Variants in TUB observed in about 807,000 individuals in gnomAD.
The protein encoded by TUB is TUB bipartite transcription factor.
A neutral mutation model predicts 59.7 loss-of-function variants in TUB; 33 were observed. The ratio of observed to expected loss-of-function variants is 0.55; its 90% confidence interval spans 0.42 to 0.74. TUB has a LOEUF of 0.74. Ranked by LOEUF, TUB falls within the 30% of genes least tolerant of loss-of-function variation. The probability of loss-of-function intolerance (pLI) is 0.00; values close to 1 mark genes in which losing one functional copy is unlikely to be tolerated. For missense variants in TUB, 659 were observed against 672.0 expected (o/e 0.98, Z 0.21); for synonymous variants, 293 against 256.4 (o/e 1.14, Z -1.36).
intron 3 of TUB, among the ~76,000 whole-genome samples, chr11:8,093,247 G>A (rs1943839190): frequency 6.6e-6 from 1 of 152,022 alleles, no homozygotes; most frequent in Non-Finnish European, 1.5e-5. Context: ...TCACTGAGGG[G>A]GGCGAGGGGG....
At chr11:8,031,913 C>A (rs1942577595) in intron 1 of TUB, among the ~76,000 whole-genome samples, 1 of 152,204 alleles carries the variant, frequency 6.6e-6, no homozygotes, top group South Asian at 2.1e-4. Context: ...GGCCACTTCG[C>A]CTTCCGCGGG....
At chr11:8,054,815 G>A (rs182503347) in intron 2 of TUB, among the ~76,000 whole-genome samples, 38 of 152,342 alleles carry the variant, frequency 2.5e-4, no homozygotes, top group African/African-American at 8.7e-4. Context: ...CTGTCACTGG[G>A]AGGCACATGG....
Position 8,097,365 on chromosome 11 carries a change from G to A in TUB, c.825G>A (p.Gly275=). The change falls in exon 7 of 12, where the codon GGG becomes GGA. Residue 275 remains glycine (G), a synonymous_variant. Transcript: ENST00000299506. ...IKCRITRDKK[G]MDRGMYPTYF... is the part of the protein sequence containing the mutation. Reference sequence around the variant, plus strand: ...GCCGCATCACTCGGGACAAGAAAGGGATGGACCGGGGCATGTACCCCACCT... The same window carrying A: ...GCCGCATCACTCGGGACAAGAAAGGAATGGACCGGGGCATGTACCCCACCT... The A allele has an allele frequency of 6.2e-7, 1 of 1,614,206 alleles. No homozygotes were observed. The highest frequency in any genetic ancestry group is 1.7e-5 in the Admixed American group (1 of 60,024).
At chr11:8,027,353 C>G (rs181698962) in intron 1 of TUB, among the ~76,000 whole-genome samples, 5 of 152,140 alleles carry the variant, frequency 3.3e-5, no homozygotes, top group Non-Finnish European at 7.3e-5. Context: ...TTTCGTATAA[C>G]GAAATCATAC....
intron 1 of TUB, among the ~76,000 whole-genome samples, chr11:8,024,478 C>T (rs1257802638): frequency 6.6e-6 from 1 of 151,982 alleles, no homozygotes; most frequent in Non-Finnish European, 1.5e-5. Flanking sequence ...TTATCTGCAC[C>T]CCGTGTGTTA....
intron 1 of TUB, among the ~76,000 whole-genome samples, chr11:8,085,109 C>T (rs1013269483): frequency 6.6e-6 from 1 of 152,168 alleles, no homozygotes; most frequent in Non-Finnish European, 1.5e-5. Flanking sequence ...GTTCGGCCTC[C>T]GAGGTGCCCT....
rs1367822896 is a variant in TUB at position 8,106,114 on chromosome 11, GTATT to G, written c.*4504_*4507del. The G allele has an allele frequency of 1.3e-5, 2 of 151,818 alleles. No homozygotes were observed. The highest frequency in any genetic ancestry group is 2.4e-5 in the African/African-American group (1 of 41,550). 9.4% of individuals were successfully genotyped at this position (151,818 alleles called of 1,614,324 possible). ...TAAACTTTGGTATTCTGGAGCAAAT[GTATT>G]TATTTATTGGTATGTGCAATGACAA... On this transcript the variant is annotated 3_prime_UTR_variant, in exon 12 of 12. Transcript: ENST00000299506.
At chr11:8,035,199 A>G (rs1942629265), upstream of TUB, among the ~76,000 whole-genome samples, 3 of 152,254 alleles carry the variant, frequency 2.0e-5, no homozygotes, top group South Asian at 6.2e-4. Context: ...AATGCAAAGC[A>G]CATACAACAA....
At chr11:8,024,423 C>G (rs1942473186) in intron 1 of TUB, among the ~76,000 whole-genome samples, 1 of 152,064 alleles carries the variant, frequency 6.6e-6, no homozygotes, top group Non-Finnish European at 1.5e-5. Flanking sequence ...CCACAACAGC[C>G]CTTCCAAACC....
chr11:8,081,493 GCCCCGCCC>G lies in TUB; in HGVS notation c.-15_-8del. The G allele has an allele frequency of 6.6e-7, 1 of 1,514,820 alleles. No individual in the cohort carries two copies. Among genetic ancestry groups the G allele is most frequent in the Non-Finnish European group, 8.8e-7 (1 of 1,138,130 alleles). The allele number at this position is 1,514,820 out of a possible 1,614,324, so 93.8% of individuals were successfully genotyped here. On this transcript the variant is annotated 5_prime_UTR_variant, in exon 1 of 12. Coordinates refer to ENST00000299506, the MANE Select transcript of TUB (RefSeq NM_177972.3). ...CCCGGCCTCCAGAGCCGCAGCCACC[GCCCCGCCC>G]CCGAGAGACATGACTTCCAAGCCGC... is the stretch of plus-strand genomic sequence containing the variant.
chr11:8,068,533 C>G (rs1288731831), intron 2 of TUB: 1 of 152,460 alleles, frequency 6.6e-6, no homozygotes, highest in African/African-American at 2.4e-5. Context: ...CTTCTTCTCC[C>G]TACTCATTCC....
At chr11:8,051,645 C>G (rs1942937063) in intron 2 of TUB, among the ~76,000 whole-genome samples, 1 of 152,228 alleles carries the variant, frequency 6.6e-6, no homozygotes, top group Non-Finnish European at 1.5e-5. Flanking sequence ...TATTCGCCAG[C>G]TTTGCACTCA....
At chr11:8,082,828 T>G (rs926225205) in intron 1 of TUB, among the ~76,000 whole-genome samples, 4 of 152,212 alleles carry the variant, frequency 2.6e-5, no homozygotes, top group Admixed American at 6.5e-5. Flanking sequence ...AATTGTTACC[T>G]CTAATCTCAG....
exon 1 of TUB, chr11:8,019,272 C>CGCGGAGCCCCGA (rs1942381810): frequency 3.2e-6 from 4 of 1,251,002 alleles, no homozygotes; most frequent in Non-Finnish European, 4.0e-6. Flanking sequence ...CGCCGCCGCC[C>CGCGGAGCCCCGA]GCGGAGCCCC....
chr11:8,065,044 T>C (rs1248994076), intron 2 of TUB, among the ~76,000 whole-genome samples: 1 of 152,154 alleles, frequency 6.6e-6, no homozygotes, highest in Non-Finnish European at 1.5e-5. Context: ...ACAGGGCCAA[T>C]GTATAATATA....
chr11:8,039,567 G>T, intron 1 of TUB: 1 of 1,304,946 alleles, frequency 7.7e-7, no homozygotes, highest in Non-Finnish European at 1.0e-6. Flanking sequence ...GAGTGACCAG[G>T]TGTGGCCAGG....
rs1055183972 is a variant in TUB, at chr11:8,102,294, T to C, written c.*675T>C. The stretch of plus-strand genomic sequence containing the variant: ...GTGGCTAGGTTTCTAGCGCATTTGA[T>C]TTCTCCAGGTTTGCTGTGTCTCACA... On this transcript the variant is annotated 3_prime_UTR_variant, in exon 12 of 12. Coordinates refer to ENST00000299506, the MANE Select transcript of TUB (RefSeq NM_177972.3). 2.6e-5 allele frequency: 4 copies of C among 152,066 alleles called. No individual in the cohort carries two copies. The highest frequency in any genetic ancestry group is 6.5e-5 in the Admixed American group (1 of 15,268). The allele number at this position is 152,066 out of a possible 1,614,324, so 9.4% of individuals were successfully genotyped here.
At chr11:8,053,388 G>C (rs1490937170) in intron 2 of TUB, among the ~76,000 whole-genome samples, 1 of 152,046 alleles carries the variant, frequency 6.6e-6, no homozygotes, top group Non-Finnish European at 1.5e-5. Flanking sequence ...TTATATCAGG[G>C]TTTGATTAAC....
In TUB at chr11:8,083,094, G is replaced by A. The variant is rs1416621647; in HGVS notation, c.38+1546G>A. 5.9e-5 allele frequency among the ~76,000 whole-genome samples: 9 copies of A among 152,358 alleles called. No individual in the cohort carries two copies. In the East Asian group the frequency reaches 1.7e-3, roughly 29 times the overall value. On this transcript the variant is annotated intron_variant, in intron 1 of 11. Transcript: ENST00000299506. Reference sequence around the variant, plus strand: ...CACAGGTAGTTTCTGGAGGATCCTGGCCTTTCTTGGCACATGTGGGCTGAG... The same window carrying A: ...CACAGGTAGTTTCTGGAGGATCCTGACCTTTCTTGGCACATGTGGGCTGAG...
Sources: allele counts gnomAD v4.1 joint callset (sites outside exome capture counted in the v4.1 genomes callset), GRCh38; gene constraint gnomAD v4.1.1; transcripts MANE v1.5; gene names NCBI Gene and HGNC (gene_info 2026-07-23, HGNC 2026-07-21).